Variants in SELENOT observed in about 807,000 individuals in gnomAD.
The protein encoded by SELENOT is selenoprotein T.
A neutral mutation model predicts 24.3 loss-of-function variants in SELENOT; 9 were observed. The ratio of observed to expected loss-of-function variants is 0.37; its 90% confidence interval spans 0.22 to 0.65. SELENOT has a LOEUF of 0.65. Among genes scored for constraint, SELENOT ranks in the 30% least tolerant of loss-of-function variants. SELENOT has a pLI of 0.60. For missense variants in SELENOT, 166 were observed against 247.6 expected (o/e 0.67, Z 2.21); for synonymous variants, 81 against 86.0 (o/e 0.94, Z 0.32).
At position 150,629,168 on chromosome 3, in the gene SELENOT, T is replaced by G. The variant is rs899309009; in HGVS notation, c.*1539T>G. 1.3e-5 allele frequency: 2 copies of G among 152,202 alleles called. No individual in the cohort carries two copies. Among genetic ancestry groups the G allele is most frequent in the African/African-American group, 4.8e-5 (2 of 41,454 alleles). The allele number at this position is 152,202 out of a possible 1,614,324, so 9.4% of individuals were successfully genotyped here. A position where few individuals can be genotyped will look rare whatever the true frequency, so the allele number is the denominator to read the frequency against. On this transcript the variant is annotated 3_prime_UTR_variant, in exon 6 of 6. Coordinates refer to ENST00000471696, the MANE Select transcript of SELENOT (RefSeq NM_016275.5). ...TTGTTGAATGCATGTCAGGTAATGGTCTTGATTGTGATAGCTTCAAGGTGG... is the reference window on the plus strand; with the variant it reads ...TTGTTGAATGCATGTCAGGTAATGGGCTTGATTGTGATAGCTTCAAGGTGG...
chr3:150,624,932 A>G, intron 4 of SELENOT, 33 bp downstream of exon 4: 1 of 1,170,174 alleles, frequency 8.5e-7, no homozygotes, highest in East Asian at 2.7e-5. Context: ...TTTGTGATTG[A>G]TTTTAAATGA....
At chr3:150,618,940 C>T (rs753190203) in intron 1 of SELENOT, 1 of 152,228 alleles carries the variant, frequency 6.6e-6, no homozygotes, top group Non-Finnish European at 1.5e-5. Flanking sequence ...TAAGCAAGAT[C>T]TTCTTTTAGA....
intron 1 of SELENOT, among the ~76,000 whole-genome samples, chr3:150,611,041 G>GTA (rs1273949263): frequency 6.8e-6 from 1 of 147,388 alleles, no homozygotes; most frequent in Admixed American, 6.7e-5. Flanking sequence ...GTGTGTATTT[G>GTA]TTTTTGTTTT....
chr3:150,619,260 G>A (rs980748545), intron 1 of SELENOT, among the ~76,000 whole-genome samples: 62 of 150,114 alleles, frequency 4.1e-4, no homozygotes, highest in African/African-American at 1.3e-3. Flanking sequence ...GGCTAGGCAT[G>A]GTGGCTCACG....
chr3:150,611,633 C>A lies in SELENOT; in HGVS notation c.137+8134C>A. ...TCTTATCCAGCTCGATCTTCACCTTCTGGGATATGCTCTTCTGGATCCTCT... is the reference window on the plus strand; with the variant it reads ...TCTTATCCAGCTCGATCTTCACCTTATGGGATATGCTCTTCTGGATCCTCT... On this transcript the variant is annotated intron_variant, in intron 1 of 5. Transcript: ENST00000471696. 1.9e-6 allele frequency: 3 copies of A among 1,568,992 alleles called. No individual in the cohort carries two copies. The Middle Eastern group carries it at 5.0e-4, about 263-fold the overall frequency.
chr3:150,611,601 C>G, intron 1 of SELENOT: 1 of 1,392,058 alleles, frequency 7.2e-7, no homozygotes, highest in South Asian at 1.2e-5. Flanking sequence ...TGTAAAGATG[C>G]CTGCGCTCTT....
intron 1 of SELENOT, among the ~76,000 whole-genome samples, chr3:150,613,132 A>G (rs1010352897): frequency 1.3e-5 from 2 of 152,226 alleles, no homozygotes; most frequent in African/African-American, 4.8e-5. Context: ...AAGGTAATTT[A>G]TAAAGAAAAA....
In SELENOT at chr3:150,605,702, C is replaced by T. The variant is rs533964521; in HGVS notation, c.137+2203C>T. Among the ~76,000 whole-genome samples, 22 of 152,210 alleles carry T rather than the reference C, an allele frequency of 1.4e-4. No homozygotes were observed. In the South Asian group the frequency reaches 4.1e-3, roughly 29 times the overall value. On this transcript the variant is annotated intron_variant, in intron 1 of 5. Coordinates refer to ENST00000471696, the MANE Select transcript of SELENOT (RefSeq NM_016275.5). The stretch of plus-strand genomic sequence containing the variant: ...ATAAGACCCACCAAATACAGATCAA[C>T]TTAGCTTGTTGTTTGTTGCTTTTCC...
intron 4 of SELENOT, 127 bp from the exon 5 acceptor site, chr3:150,626,883 A>G: frequency 1.2e-6 from 1 of 821,552 alleles, no homozygotes; most frequent in Non-Finnish European, 1.9e-6. Context: ...CCTGAGAGCA[A>G]GCAGTGTACT....
intron 1 of SELENOT, among the ~76,000 whole-genome samples, chr3:150,616,005 T>C (rs1251568119): frequency 6.6e-6 from 1 of 151,854 alleles, no homozygotes; most frequent in Non-Finnish European, 1.5e-5. Context: ...AACAGAGATA[T>C]AGATCAATGG....
chr3:150,618,494 A>G (rs896858036), intron 1 of SELENOT, among the ~76,000 whole-genome samples: 1 of 152,176 alleles, frequency 6.6e-6, no homozygotes, highest in Non-Finnish European at 1.5e-5. Context: ...CAGCAAATGT[A>G]ATAGAGAAGG....
intron 1 of SELENOT, chr3:150,603,807 G>A: frequency 4.4e-6 from 1 of 228,210 alleles, no homozygotes; most frequent in Non-Finnish European, 8.5e-6. Context: ...AGGACTGGTT[G>A]GCGGCGTCAC....
intron 1 of SELENOT, among the ~76,000 whole-genome samples, chr3:150,615,352 A>C (rs1453666285): frequency 6.6e-6 from 1 of 151,538 alleles, no homozygotes; most frequent in Non-Finnish European, 1.5e-5. Context: ...TTATAGCAGC[A>C]TGATTTATAG....
chr3:150,613,445 G>T (rs1017889896), intron 1 of SELENOT, among the ~76,000 whole-genome samples: 2 of 152,064 alleles, frequency 1.3e-5, no homozygotes, highest in African/African-American at 4.8e-5. Context: ...GCATTGCCTA[G>T]TAATAACTTA....
rs1016473044 is a variant in SELENOT at position 150,622,126 on chromosome 3, T to A, written c.138-259T>A. ...AAAGTTTAATGTTCTTTTTTTTTTT[T>A]AAACAAAAAAATCAGGCCGCATTAC... On this transcript the variant is annotated intron_variant, in intron 1 of 5. Transcript: ENST00000471696. 6.6e-5 allele frequency among the ~76,000 whole-genome samples: 10 copies of A among 151,704 alleles called. No individual in the cohort carries two copies. The highest frequency in any genetic ancestry group is 1.2e-4 in the African/African-American group (5 of 41,394).
At position 150,626,989 on chromosome 3, in the gene SELENOT, C is replaced by T. The variant is rs374833901; in HGVS notation, c.464-21C>T. The T allele has an allele frequency of 5.6e-5, 89 of 1,601,980 alleles. No homozygotes were observed. In the East Asian group the frequency reaches 6.0e-4, roughly 11 times the overall value. On this transcript the variant is annotated intron_variant, in intron 4 of 5. Coordinates refer to ENST00000471696, the MANE Select transcript of SELENOT (RefSeq NM_016275.5). ...AAATCATCTTTAATTTTTTGGGGGG[C>T]GGTGCCATTTATTTTTATAGATGTA...
intron 1 of SELENOT, chr3:150,611,690 G>A: frequency 1.2e-6 from 2 of 1,600,218 alleles, no homozygotes; most frequent in Non-Finnish European, 1.7e-6. Context: ...CTGCCCGACC[G>A]CACCGCTCAC....
At chr3:150,616,882 A>G (rs1429866832) in intron 1 of SELENOT, among the ~76,000 whole-genome samples, 1 of 152,202 alleles carries the variant, frequency 6.6e-6, no homozygotes, top group African/African-American at 2.4e-5. Context: ...CTCAAGCAAT[A>G]CACCTCCTGC....
At chr3:150,611,004 CGTGTGTGTGTGTGT>C (rs113532087) in intron 1 of SELENOT, among the ~76,000 whole-genome samples, 18 of 145,396 alleles carry the variant, frequency 1.2e-4, no homozygotes, top group African/African-American at 4.6e-4. Flanking sequence ...CATCATGAGT[CGTGTGTGTGTGTGT>C]GTGTGTGTGT....
Sources: allele counts gnomAD v4.1 joint callset (sites outside exome capture counted in the v4.1 genomes callset), GRCh38; gene constraint gnomAD v4.1.1; transcripts MANE v1.5; gene names NCBI Gene and HGNC (gene_info 2026-07-23, HGNC 2026-07-21).